TTN: variants seen among roughly 807,000 people sequenced by gnomAD.
The protein encoded by TTN is connectin.
TTN carries 1,525 observed loss-of-function variants against 3,223.0 expected under a neutral mutation model. The ratio of observed to expected loss-of-function variants is 0.47; its 90% CI spans 0.45 to 0.49. The LOEUF (loss-of-function observed/expected upper bound fraction) is 0.49. TTN is among the 20% of genes least tolerant of loss of function. The probability of loss-of-function intolerance (pLI) is 0.00; values close to 1 mark genes in which losing one functional copy is unlikely to be tolerated. For synonymous variants in TTN, 14,094 were observed against 15,161.0 expected (o/e 0.93, Z 5.17); for missense variants, 40,786 against 43,424.0 (o/e 0.94, Z 5.40).
Position 178,658,104 on chromosome 2 carries a change from T to A in TTN, c.37765A>T (p.Lys12589Ter). 5.1e-6 allele frequency: 8 copies of A among 1,574,280 alleles called. No homozygotes were observed. The highest frequency in any genetic ancestry group is 6.8e-6 in the Non-Finnish European group (8 of 1,172,612). The part of the protein sequence containing the change: ...AEKEIPVAPP[K>*]KPEAPIVPVP... ...GGGACAATCGGAGCTTCTGGTTTTTTGGGTGGAGCCACGGGAATTTCTTTT... is the reference window on the plus strand; with the variant it reads ...GGGACAATCGGAGCTTCTGGTTTTTAGGGTGGAGCCACGGGAATTTCTTTT... The change falls in exon 186 of 363, where the codon AAA (lysine) becomes TAA (stop). Residue 12589 changes from lysine to a stop codon, truncating the protein, a stop_gained. Transcript: ENST00000589042. LOFTEE classifies it high-confidence loss of function.
intron 294 of TTN, 78 bp from the exon 295 acceptor site, chr2:178,595,887 AG>A: frequency 7.1e-7 from 1 of 1,408,142 alleles, no homozygotes; most frequent in Non-Finnish European, 9.6e-7. Flanking sequence ...TTTTAAAAGG[AG>A]ACAAAAATGT....
chr2:178,633,176 T>A lies in TTN; in HGVS notation c.43086+11A>T. 6.2e-7 allele frequency: 1 copy of A among 1,609,586 alleles called. No homozygotes were observed. Among genetic ancestry groups the A allele is most frequent in the Non-Finnish European group, 8.5e-7 (1 of 1,177,198 alleles). On this transcript the variant is annotated intron_variant, in intron 233 of 362. Transcript: ENST00000589042. ...ACCCCTCTCCTATATAATTAGCTAATCTTGACTTACAGGGGAAGCTGTCAA... is the reference window on the plus strand; with the variant it reads ...ACCCCTCTCCTATATAATTAGCTAAACTTGACTTACAGGGGAAGCTGTCAA...
rs539232345 is a variant in TTN, at chr2:178,674,215, G to T, written c.34708+99C>A. On this transcript the variant is annotated intron_variant, in intron 151 of 362. Transcript: ENST00000589042. The stretch of plus-strand genomic sequence containing the variant: ...TTAATCTTCACTTTATCATGGATAC[G>T]ATATAAGAAAAGCATACTGGTGAAT... 9.8e-5 allele frequency: 72 copies of T among 731,442 alleles called. No individual in the cohort carries two copies. The African/African-American group carries it at 1.0e-3, about 10-fold the overall frequency. 45.3% of individuals were successfully genotyped at this position (731,442 alleles called of 1,614,324 possible). A position where few individuals can be genotyped will look rare whatever the true frequency, so the allele number is the denominator to read the frequency against.
intron 63 of TTN, 48 bp downstream of exon 63, chr2:178,729,616 C>A: frequency 6.2e-7 from 1 of 1,613,234 alleles, no homozygotes; most frequent in Admixed American, 1.7e-5. Context: ...AGACCCCAAA[C>A]TTATCAGGCA....
intron 343 of TTN, 61 bp downstream of exon 343, chr2:178,545,759 C>G: frequency 6.3e-7 from 1 of 1,597,686 alleles, no homozygotes; most frequent in Non-Finnish European, 8.6e-7. Context: ...GCCCTTCTCC[C>G]TTCTCCCCCT....
Position 178,775,598 on chromosome 2 carries a change from A to T in TTN, c.6266T>A (p.Val2089Glu). 5 of 1,614,124 alleles carry T rather than the reference A, an allele frequency of 3.1e-6. No homozygotes were observed. Among genetic ancestry groups the T allele is most frequent in the Non-Finnish European group, 4.2e-6 (5 of 1,180,002 alleles). Residue 2089 changes from valine (V) to glutamate (E), a missense_variant, in exon 28 of 363, where the codon GTG becomes GAG. Val to Glu is a moderately radical substitution (Grantham distance 121). Transcript: ENST00000589042. ...GAAGTGTGCATCAGATCCTTGGCCC[A>T]CTGTTTGGCTCTGGATTCTTTCGAA... ...KIFERIQSQT[V>E]GQGSDAHFRV...
rs1470659340 is a variant in TTN at position 178,615,513 on chromosome 2, T to G, written c.48461-29A>C. 20 of 1,610,006 alleles carry G rather than the reference T, an allele frequency of 1.2e-5. 1 individual carries two copies. In the South Asian group the frequency reaches 1.9e-4, roughly 15 times the overall value. ...CAACATTTGGAAGAGAGAGTCAGTC[T>G]TACACAGGCCACCTATGCAGTTCTC... On this transcript the variant is annotated intron_variant, in intron 258 of 362. Coordinates refer to ENST00000589042, the MANE Select transcript of TTN (RefSeq NM_001267550.2).
In TTN at chr2:178,721,141, A is replaced by G. The variant is rs2154301068; in HGVS notation, c.22878T>C (p.Ile7626=). The change falls in exon 79 of 363, where the codon ATT becomes ATC. Residue 7626 remains isoleucine, a synonymous_variant. Transcript: ENST00000589042. ...AGCCACTTATTTTACATTCCAGTTG[A>G]ATGGATTCTCCCTGCTTTGCAACTT... is the stretch of plus-strand genomic sequence containing the variant. ...ASKVAKQGES[I]QLECKISGSP... is the part of the protein sequence containing the mutation. 1 of 1,612,092 alleles carries G rather than the reference A, an allele frequency of 6.2e-7. No homozygotes were observed. Among genetic ancestry groups the G allele is most frequent in the Non-Finnish European group, 8.5e-7 (1 of 1,178,454 alleles).
In TTN at chr2:178,559,767, T is replaced by G. The variant is rs774223958; in HGVS notation, c.86365A>C (p.Ser28789Arg). 1.6e-5 allele frequency: 26 copies of G among 1,601,766 alleles called. No homozygotes were observed. Among genetic ancestry groups the G allele is most frequent in the Non-Finnish European group, 1.7e-6 (2 of 1,173,830 alleles). Residue 28789 changes from serine to arginine, a missense_variant, in exon 326 of 363, where the codon AGT (serine) becomes CGT (arginine). Ser to Arg is a moderately radical substitution (Grantham distance 110). Transcript: ENST00000589042. ...GTACGGAGGTCAGTGTCTGGCTTAC[T>G]CCACAAGACATTGGGTACTGGTCTT... ...RGRPVPNVLW[S>R]KPDTDLRTRA...
At chr2:178,669,216 G>A (rs1034555966) in intron 159 of TTN, among the ~76,000 whole-genome samples, 157 bp downstream of exon 159, 5 of 152,082 alleles carry the variant, frequency 3.3e-5, no homozygotes, top group Admixed American at 6.5e-5. Context: ...CTTGTCTGAG[G>A]ATAATAGACA....
rs1425791668 is a variant in TTN at position 178,607,074 on chromosome 2, A to T, written c.53528T>A (p.Phe17843Tyr). ...YKFRVIAKNK[F>Y]GCGPPVEIGP... ...TATTTCAACAGGAGGGCCACAGCCA[A>T]ACTTGTTCTTGGCAATAACACGGAA... The change falls in exon 278 of 363, where the codon TTT becomes TAT. Residue 17843 changes from phenylalanine to tyrosine, a missense_variant. Coordinates refer to ENST00000589042, the MANE Select transcript of TTN (RefSeq NM_001267550.2). The T allele has an allele frequency of 6.2e-7, 1 of 1,612,094 alleles. No homozygotes were observed. The highest frequency in any genetic ancestry group is 8.5e-7 in the Non-Finnish European group (1 of 1,179,070).
chr2:178,750,989 G>T (rs2085332834), intron 47 of TTN: 2 of 1,612,436 alleles, frequency 1.2e-6, no homozygotes, highest in Non-Finnish European at 8.5e-7. Context: ...TCTTATTTCA[G>T]TCTGGAAAAT....
chr2:178,559,798 GA>G lies in TTN; in HGVS notation c.86333del (p.Phe28778SerfsTer33). On this transcript the variant is annotated frameshift_variant, in exon 326 of 363. Coordinates refer to ENST00000589042, the MANE Select transcript of TTN (RefSeq NM_001267550.2). LOFTEE classifies it high-confidence loss of function. ...AGASFTMTVP[F>X]RGRPVPNVLW... ...AGACATTGGGTACTGGTCTTCCTCG[GA>G]AAGGCACAGTCATGGTAAATGAGGC... The G allele has an allele frequency of 6.2e-7, 1 of 1,608,686 alleles. No individual in the cohort carries two copies. Among genetic ancestry groups the G allele is most frequent in the African/African-American group, 1.3e-5 (1 of 74,978 alleles).
chr2:178,776,873 C>T lies in TTN; in HGVS notation c.4991G>A (p.Arg1664Gln), dbSNP rs375029799. ...AATCTCCTTTGCTCTATATGTCCCC[C>T]GTGGGATGATTAACTTTCTCTCTGG... is the stretch of plus-strand genomic sequence containing the variant. ...PEPERKLIIPRGTYRAKEIAA... is the reference protein window; with the variant it reads ...PEPERKLIIPQGTYRAKEIAA... The change falls in exon 28 of 363, where the codon CGG becomes CAG. Residue 1664 changes from arginine to glutamine, a missense_variant. Arg to Gln is a conservative substitution (Grantham distance 43, BLOSUM62 1). Coordinates refer to ENST00000589042, the MANE Select transcript of TTN (RefSeq NM_001267550.2). 44 of 1,613,016 alleles carry T rather than the reference C, an allele frequency of 2.7e-5. No homozygotes were observed. The highest frequency in any genetic ancestry group is 3.3e-5 in the Admixed American group (2 of 59,784).
At chr2:178,626,725 T>C (rs575004412) in intron 240 of TTN, among the ~76,000 whole-genome samples, 1 of 152,006 alleles carries the variant, frequency 6.6e-6, no homozygotes, top group Admixed American at 6.6e-5. Context: ...TCCGAGGGCA[T>C]GGTGCTGAAA....
At position 178,590,895 on chromosome 2, in the gene TTN, T is replaced by G. The variant is rs2050069618; in HGVS notation, c.60830A>C (p.Lys20277Thr). 1.2e-6 allele frequency: 2 copies of G among 1,611,694 alleles called. No homozygotes were observed. Reference sequence around the variant, plus strand: ...TTCAGTAATGTCAGTAACCACTGGTTTACCAGGAGGAGACGGAGGACTAAA... The same window carrying G: ...TTCAGTAATGTCAGTAACCACTGGTGTACCAGGAGGAGACGGAGGACTAAA... ...HKFSPPSPPG[K>T]PVVTDITENA... Residue 20277 changes from lysine to threonine, a missense_variant, in exon 304 of 363, where the codon AAA becomes ACA. Transcript: ENST00000589042.
chr2:178,557,919 AAC>A lies in TTN; in HGVS notation c.87433_87434del (p.Val29145CysfsTer3). 6.2e-7 allele frequency: 1 copy of A among 1,613,430 alleles called. No individual in the cohort carries two copies. Among genetic ancestry groups the A allele is most frequent in the Non-Finnish European group, 8.5e-7 (1 of 1,179,840 alleles). On this transcript the variant is annotated frameshift_variant, in exon 328 of 363. Coordinates refer to ENST00000589042, the MANE Select transcript of TTN (RefSeq NM_001267550.2). LOFTEE classifies it high-confidence loss of function. ...LDRPGPPTGPVVISDITEESV... is the reference protein window; with the variant it reads ...LDRPGPPTGPXVISDITEESV... ...TTTCTTCAGTTATATCACTAATAAC[AAC>A]AGGGCCAGTTGGAGGACCAGGCCTG...
rs770391975 is a variant in TTN at position 178,773,129 on chromosome 2, G to A, written c.7835C>T (p.Ser2612Phe). 3.7e-6 allele frequency: 6 copies of A among 1,613,884 alleles called. No individual in the cohort carries two copies. Among genetic ancestry groups the A allele is most frequent in the Admixed American group, 1.7e-5 (1 of 59,990 alleles). The stretch of plus-strand genomic sequence containing the variant: ...CCAACCTGCCACAGTAAGTTTTCCA[G>A]ATGTCATATTTTCTCCCGCGTAAAA... The part of the protein sequence containing the change: ...YTFYAGENMT[S>F]GKLTVAGGAI... The change falls in exon 33 of 363, where the codon TCT becomes TTT. Residue 2612 changes from serine (S) to phenylalanine (F), a missense_variant. By Grantham distance (155) the Ser-to-Phe change is radical (BLOSUM62 -2). Transcript: ENST00000589042.
At position 178,650,931 on chromosome 2, in the gene TTN, C is replaced by A. The variant is rs914489718; in HGVS notation, c.39626-97G>T. 2.3e-6 allele frequency: 3 copies of A among 1,287,798 alleles called. No homozygotes were observed. In the African/African-American group the frequency reaches 4.4e-5, roughly 19 times the overall value. The allele number at this position is 1,287,798 out of a possible 1,614,324, so 79.8% of individuals were successfully genotyped here. Reference sequence around the variant, plus strand: ...ACATTTTGCTCAAATAACCCAGGGACAGATCCAAGAACAAATTTCACAATA... The same window carrying A: ...ACATTTTGCTCAAATAACCCAGGGAAAGATCCAAGAACAAATTTCACAATA... On this transcript the variant is annotated intron_variant, in intron 208 of 362. Coordinates refer to ENST00000589042, the MANE Select transcript of TTN (RefSeq NM_001267550.2).
Sources: gnomAD v4.1 joint callset for allele counts (sites outside exome capture counted in the v4.1 genomes callset) on GRCh38, gnomAD v4.1.1 for gene constraint, MANE v1.5 for transcripts, NCBI Gene and HGNC (gene_info 2026-07-23, HGNC 2026-07-21) for gene names.